The following SNTG1 variants were observed in gnomAD, a reference collection of about 807,000 sequenced individuals.
SNTG1 encodes the protein syntrophin gamma 1.
SNTG1 carries 39 observed loss-of-function variants against 74.7 expected under a neutral mutation model. The observed-to-expected ratio is 0.52, with a 90% CI of 0.40 to 0.68. The LOEUF is 0.68. Among genes scored for constraint, SNTG1 ranks in the 30% least tolerant of loss-of-function variants. The pLI is 0.00. For missense variants in SNTG1, 685 were observed against 609.5 expected (o/e 1.12, Z -1.30); for synonymous variants, 254 against 217.1 (o/e 1.17, Z -1.49).
chr8:50,201,862 T>G (rs1190858017), intron 2 of SNTG1, among the ~76,000 whole-genome samples: 1 of 152,142 alleles, frequency 6.6e-6, no homozygotes, highest in Non-Finnish European at 1.5e-5. Context: ...TCATTTAGCT[T>G]CTTCTTGTCT....
rs764991801 is a variant in SNTG1 at position 50,502,813 on chromosome 8, T to G, written c.399T>G (p.Thr133=). The change falls in exon 9 of 19, where the codon ACT becomes ACG. Residue 133 remains threonine, a synonymous_variant. Coordinates refer to ENST00000642720, the MANE Select transcript of SNTG1 (RefSeq NM_018967.5). ...TTCGGAATGCTGGAGAAGAAGTGACTCTAACAGTGTCATTTTTAAAAAGAG... is the reference window on the plus strand; with the variant it reads ...TTCGGAATGCTGGAGAAGAAGTGACGCTAACAGTGTCATTTTTAAAAAGAG... ...QVLRNAGEEV[T]LTVSFLKRAP... The G allele has an allele frequency of 1.9e-6, 3 of 1,613,512 alleles. No homozygotes were observed. Among genetic ancestry groups the G allele is most frequent in the Non-Finnish European group, 2.5e-6 (3 of 1,179,654 alleles).
intron 1 of SNTG1, among the ~76,000 whole-genome samples, chr8:49,976,157 T>C (rs1812171886): frequency 6.6e-6 from 1 of 152,210 alleles, no homozygotes; most frequent in Admixed American, 6.5e-5. Context: ...CAGTGATACA[T>C]TTAATTAGAT....
intron 2 of SNTG1, among the ~76,000 whole-genome samples, chr8:50,221,984 A>G (rs2085094260): frequency 6.6e-6 from 1 of 152,170 alleles, no homozygotes; most frequent in Non-Finnish European, 1.5e-5. Context: ...GTGCTAGGAT[A>G]TGGATGTTTC....
intron 2 of SNTG1, among the ~76,000 whole-genome samples, chr8:50,340,635 T>A (rs118127626): frequency 2.0e-5 from 3 of 152,042 alleles, no homozygotes; most frequent in Non-Finnish European, 4.4e-5. Flanking sequence ...TAAGACAACA[T>A]GGCAGAATAT....
At chr8:50,484,243 T>G (rs369491016) in intron 8 of SNTG1, among the ~76,000 whole-genome samples, 1 of 148,854 alleles carries the variant, frequency 6.7e-6, no homozygotes. Flanking sequence ...TTATGGAGTT[T>G]CCACTCTTGT....
At chr8:50,591,023 C>T in intron 13 of SNTG1, 106 bp downstream of exon 13, 1 of 665,666 alleles carries the variant, frequency 1.5e-6, no homozygotes, top group Non-Finnish European at 2.4e-6. Flanking sequence ...TTGGTACTGT[C>T]ATTTACTATC....
chr8:50,426,197 G>T (rs2093161387), intron 4 of SNTG1, among the ~76,000 whole-genome samples: 1 of 152,156 alleles, frequency 6.6e-6, no homozygotes, highest in East Asian at 1.9e-4. Flanking sequence ...GTCCAGGATC[G>T]CATCCAGGAC....
chr8:50,709,146 T>G (rs1012525266), intron 17 of SNTG1, 168 bp downstream of exon 17: 41 of 591,850 alleles, frequency 6.9e-5, no homozygotes, highest in Non-Finnish European at 1.2e-4. Flanking sequence ...AAAAAAAGTT[T>G]GAATTTTTAA....
At chr8:50,383,245 C>A (rs550121770) in intron 2 of SNTG1, among the ~76,000 whole-genome samples, 14 of 152,242 alleles carry the variant, frequency 9.2e-5, no homozygotes, top group African/African-American at 1.9e-4. Flanking sequence ...GAATATGATA[C>A]AACAGTCCTT....
At chr8:50,071,249 A>C (rs1274233194) in intron 1 of SNTG1, among the ~76,000 whole-genome samples, 2 of 152,086 alleles carry the variant, frequency 1.3e-5, no homozygotes, top group African/African-American at 4.8e-5. Context: ...CCCAGGTCGG[A>C]GTTCAGTGGC....
At chr8:50,465,446 G>A (rs2131708543) in intron 8 of SNTG1, among the ~76,000 whole-genome samples, 1 of 152,180 alleles carries the variant, frequency 6.6e-6, no homozygotes, top group South Asian at 2.1e-4. Context: ...AACCTCCTAA[G>A]TTGTTTTTAT....
chr8:50,516,415 G>T (rs2094134522), intron 9 of SNTG1, among the ~76,000 whole-genome samples: 1 of 152,132 alleles, frequency 6.6e-6, no homozygotes, highest in South Asian at 2.1e-4. Context: ...CTCCTCACCA[G>T]CAAGGGAACA....
intron 8 of SNTG1, among the ~76,000 whole-genome samples, chr8:50,482,824 G>A (rs934709746): frequency 2.0e-5 from 3 of 152,272 alleles, no homozygotes; most frequent in Admixed American, 1.3e-4. Context: ...AGGTTTCTTT[G>A]CATTGAGATA....
intron 12 of SNTG1, among the ~76,000 whole-genome samples, chr8:50,558,608 T>C (rs1241030941): frequency 6.6e-6 from 1 of 152,004 alleles, no homozygotes; most frequent in Non-Finnish European, 1.5e-5. Context: ...TGCATTGAGG[T>C]ATAACCGGTG....
intron 4 of SNTG1, among the ~76,000 whole-genome samples, chr8:50,427,576 C>A (rs529549678): frequency 2.0e-5 from 3 of 152,078 alleles, no homozygotes; most frequent in African/African-American, 7.2e-5. Context: ...CAGGTGCATA[C>A]CACCATGCTT....
At chr8:50,667,085 A>G (rs1409607646) in intron 15 of SNTG1, among the ~76,000 whole-genome samples, 1 of 151,960 alleles carries the variant, frequency 6.6e-6, no homozygotes, top group Non-Finnish European at 1.5e-5. Flanking sequence ...AAATATAGAA[A>G]TATATAATAT....
intron 8 of SNTG1, among the ~76,000 whole-genome samples, chr8:50,487,699 G>T (rs535656017): frequency 7.4e-5 from 10 of 135,486 alleles, no homozygotes; most frequent in Admixed American, 3.8e-4. Context: ...GGGTCGGAGG[G>T]GGGGGAGGGA....
chr8:50,625,994 A>C (rs76254970), intron 13 of SNTG1, among the ~76,000 whole-genome samples: 6,547 of 152,214 alleles, frequency 0.043, 245 homozygotes, highest in African/African-American at 0.094. Context: ...CAGCCAAAAG[A>C]TACACACATG....
intron 1 of SNTG1, among the ~76,000 whole-genome samples, chr8:50,166,143 C>T (rs1462575869): frequency 1.9e-5 from 1 of 53,558 alleles, no homozygotes; most frequent in African/African-American, 7.5e-5. Context: ...AAGATTTAAA[C>T]GTTAGACCTA....
Sources: gnomAD v4.1 joint callset for allele counts (sites outside exome capture counted in the v4.1 genomes callset) on GRCh38, gnomAD v4.1.1 for gene constraint, MANE v1.5 for transcripts, NCBI Gene and HGNC (gene_info 2026-07-23, HGNC 2026-07-21) for gene names.